BTD: variants seen among roughly 807,000 people sequenced by gnomAD.
The protein encoded by BTD is biocytinase.
In BTD, 13 loss-of-function variants were observed where a neutral mutation model predicts 17.7. That is an observed-to-expected ratio of 0.74 (90% CI 0.48 to 1.17). The LOEUF is 1.17. Among genes scored for constraint, BTD ranks in the 50% most tolerant of loss-of-function variants. BTD has a pLI of 0.00. For synonymous variants in BTD, 240 were observed against 245.2 expected (o/e 0.98, Z 0.20); for missense variants, 674 against 650.4 (o/e 1.04, Z -0.39).
chr3:15,683,444 C>T (rs1473792263), intron 3 of BTD, among the ~76,000 whole-genome samples: 1 of 152,068 alleles, frequency 6.6e-6, no homozygotes, highest in Non-Finnish European at 1.5e-5. Context: ...TTCTACTTGC[C>T]TTAGCGAGTA....
At chr3:15,603,899 G>C (rs2064362448) in intron 1 of BTD, among the ~76,000 whole-genome samples, 1 of 152,226 alleles carries the variant, frequency 6.6e-6, no homozygotes, top group African/African-American at 2.4e-5. Flanking sequence ...TCATGCTGAT[G>C]CAAGAGGTGG....
Position 15,635,640 on chromosome 3 carries a change from C to T in BTD, c.201C>T (p.Asn67=), listed in dbSNP as rs147057169. The T allele has an allele frequency of 2.0e-3, 3,281 of 1,614,200 alleles. 11 individuals carry two copies. The highest frequency in any genetic ancestry group is 5.6e-3 in the Middle Eastern group (34 of 6,062). Residue 67 remains asparagine (N), a synonymous_variant, in exon 2 of 4, where the codon AAC becomes AAT. Coordinates refer to ENST00000643237, the MANE Select transcript of BTD (RefSeq NM_001370658.1). This position sits in a 1 kb window ranked among gnomAD's most constrained non-coding sequence, Gnocchi z 4.1. ...GCCAAGAGGCCTTGGAGCTCATGAA[C>T]CAGAACCTTGACATCTATGAACAGC... is the stretch of plus-strand genomic sequence containing the variant. The part of the protein sequence containing the change: ...ISRQEALELM[N]QNLDIYEQQV...
chr3:15,671,578 G>GT (rs869032190), intron 3 of BTD, among the ~76,000 whole-genome samples: 4,597 of 140,730 alleles, frequency 0.033, 343 homozygotes, highest in African/African-American at 0.12. Context: ...AAACACTATA[G>GT]TTTTTTTTTT....
rs2065774965 is a variant in BTD, at chr3:15,649,920, A to G, written c.*4432A>G. Among the ~76,000 whole-genome samples the G allele has an allele frequency of 6.6e-6, 1 of 152,244 alleles. No homozygotes were observed. Among genetic ancestry groups the G allele is most frequent in the Non-Finnish European group, 1.5e-5 (1 of 68,044 alleles). On this transcript the variant is annotated 3_prime_UTR_variant, in exon 4 of 4. Coordinates refer to ENST00000643237, the MANE Select transcript of BTD (RefSeq NM_001370658.1). ...ACATAAATGGTCTCCCTTAACTGCC[A>G]TGAGCCCTAAAGAAGGTTTGCTACA...
intron 3 of BTD, among the ~76,000 whole-genome samples, chr3:15,693,909 T>G (rs2069158289): frequency 6.6e-6 from 1 of 152,082 alleles, no homozygotes; most frequent in African/African-American, 2.4e-5. Context: ...TAATAGTACA[T>G]ATGAAAAGAA....
At chr3:15,671,863 T>C (rs981946072) in intron 3 of BTD, among the ~76,000 whole-genome samples, 4 of 151,974 alleles carry the variant, frequency 2.6e-5, no homozygotes, top group African/African-American at 9.7e-5. Flanking sequence ...GGATTACAGA[T>C]GTGAACCACC....
chr3:15,646,578 G>T lies in BTD; in HGVS notation c.*1090G>T, dbSNP rs1458825939. The T allele has an allele frequency of 2.0e-5, 3 of 152,132 alleles. No individual in the cohort carries two copies. Among genetic ancestry groups the T allele is most frequent in the African/African-American group, 7.2e-5 (3 of 41,414 alleles). The allele number at this position is 152,132 out of a possible 1,614,324, so 9.4% of individuals were successfully genotyped here. ...CTCAATATGGTGAAGACATTTTTAG[G>T]CCACTGATTTCTGTGTAATTTGTGT... On this transcript the variant is annotated 3_prime_UTR_variant, in exon 4 of 4. Coordinates refer to ENST00000643237, the MANE Select transcript of BTD (RefSeq NM_001370658.1).
chr3:15,671,729 G>A (rs1438348142), intron 3 of BTD, among the ~76,000 whole-genome samples: 1 of 151,810 alleles, frequency 6.6e-6, no homozygotes, highest in Non-Finnish European at 1.5e-5. Context: ...GATTACACGT[G>A]TGTGCCACCA....
chr3:15,721,523 A>G (rs1314448387), intron 4 of BTD, among the ~76,000 whole-genome samples: 1 of 152,188 alleles, frequency 6.6e-6, no homozygotes, highest in East Asian at 1.9e-4. Context: ...ATTCAGTAAC[A>G]TGCACATTTT....
chr3:15,711,085 C>T, exon 4 of BTD: 1 of 785,618 alleles, frequency 1.3e-6, no homozygotes, highest in Non-Finnish European at 1.9e-6. Context: ...TTTTTTTTCC[C>T]AAACAACTCC....
chr3:15,675,143 G>A (rs1315587316), intron 3 of BTD, among the ~76,000 whole-genome samples: 1 of 152,100 alleles, frequency 6.6e-6, no homozygotes, highest in Non-Finnish European at 1.5e-5. Context: ...CGTGGCAGGT[G>A]TCAGTAATCC....
intron 3 of BTD, chr3:15,677,462 C>A (rs2067063605): frequency 6.4e-7 from 1 of 1,568,978 alleles, no homozygotes; most frequent in Non-Finnish European, 8.7e-7. Context: ...GAAACATATT[C>A]TTAAGATGTA....
At chr3:15,636,611 C>T (rs1322132717) in intron 2 of BTD, among the ~76,000 whole-genome samples, 1 of 152,200 alleles carries the variant, frequency 6.6e-6, no homozygotes, top group Non-Finnish European at 1.5e-5. Context: ...GTGAGCAACA[C>T]TTTCCTGCTC....
chr3:15,607,360 G>A (rs2064488478), intron 1 of BTD, among the ~76,000 whole-genome samples: 1 of 152,174 alleles, frequency 6.6e-6, no homozygotes, highest in South Asian at 2.1e-4. Context: ...CTATTTGTAG[G>A]TTCTGGATTT....
rs1374811804 is a variant in BTD at position 15,647,011 on chromosome 3, A to G, written c.*1523A>G. The G allele has an allele frequency of 6.6e-6, 1 of 152,272 alleles. No individual in the cohort carries two copies. The highest frequency in any genetic ancestry group is 1.5e-5 in the Non-Finnish European group (1 of 68,070). The allele number at this position is 152,272 out of a possible 1,614,324, so 9.4% of individuals were successfully genotyped here. On this transcript the variant is annotated 3_prime_UTR_variant, in exon 4 of 4. Transcript: ENST00000643237. ...AAACCATGTGGGAAAAAGCAGAGCC[A>G]GCACCAGCCCCTGCTGACTCACTGA...
chr3:15,664,636 C>T (rs2065959378), intron 3 of BTD, among the ~76,000 whole-genome samples: 2 of 152,064 alleles, frequency 1.3e-5, no homozygotes, highest in Non-Finnish European at 2.9e-5. Flanking sequence ...GGTCATTCCT[C>T]TTGCCATTTT....
chr3:15,640,045 A>C lies in BTD; in HGVS notation c.250-1863A>C, dbSNP rs190158218. On this transcript the variant is annotated intron_variant, in intron 2 of 3. Coordinates refer to ENST00000643237, the MANE Select transcript of BTD (RefSeq NM_001370658.1). ...CTTGAACCCAGGAGGCGGAGATTGCAGTGAGCCGAGATCACAACACTGCAC... is the reference window on the plus strand; with the variant it reads ...CTTGAACCCAGGAGGCGGAGATTGCCGTGAGCCGAGATCACAACACTGCAC... 1.1e-3 allele frequency among the ~76,000 whole-genome samples: 170 copies of C among 152,272 alleles called. 1 individual carries two copies. Among genetic ancestry groups the C allele is most frequent in the Middle Eastern group, 6.8e-3 (2 of 294 alleles).
At chr3:15,626,480 A>T (rs902960206) in intron 1 of BTD, among the ~76,000 whole-genome samples, 5 of 152,190 alleles carry the variant, frequency 3.3e-5, no homozygotes, top group African/African-American at 1.2e-4. Flanking sequence ...TCAGACACTC[A>T]TGCCAGGTAA....
chr3:15,706,600 T>C (rs2071463988), intron 3 of BTD, among the ~76,000 whole-genome samples: 2 of 152,194 alleles, frequency 1.3e-5, no homozygotes, highest in Admixed American at 1.3e-4. Context: ...TTTGGGTATA[T>C]ACCCAGTAAT....
Sources: allele counts gnomAD v4.1 joint callset (sites outside exome capture counted in the v4.1 genomes callset), GRCh38; gene constraint gnomAD v4.1.1; non-coding constraint Gnocchi (gnomAD v3.1); transcripts MANE v1.5; gene names NCBI Gene and HGNC (gene_info 2026-07-23, HGNC 2026-07-21).